The following CA10 variants were observed in gnomAD, a reference collection of about 807,000 sequenced individuals.
CA10 encodes the protein carbonic anhydrase 10 (inactive), also known as carbonic anhydrase-related protein 10.
Under a neutral mutation model 44.2 loss-of-function variants are expected in CA10, and 14 were observed. The ratio of observed to expected loss-of-function variants is 0.32; its 90% CI spans 0.21 to 0.50. CA10 has a LOEUF of 0.50. Among genes scored for constraint, CA10 ranks in the 20% least tolerant of loss-of-function variants. The pLI is 0.99. For missense variants in CA10, 350 were observed against 409.7 expected (o/e 0.85, Z 1.26); for synonymous variants, 159 against 141.6 (o/e 1.12, Z -0.87).
intron 2 of CA10, among the ~76,000 whole-genome samples, chr17:52,031,160 T>TG (rs1175690896): frequency 6.6e-6 from 1 of 151,700 alleles, no homozygotes; most frequent in Non-Finnish European, 1.5e-5. Flanking sequence ...CAACTCTTTT[T>TG]TTTTTTTTTG....
At chr17:51,655,178 C>T (rs544712205) in intron 4 of CA10, among the ~76,000 whole-genome samples, 1 of 152,308 alleles carries the variant, frequency 6.6e-6, no homozygotes, top group East Asian at 1.9e-4. Context: ...CCCAAGTCTT[C>T]CAAATAACTA....
At chr17:52,004,248 T>G (rs962829763) in intron 2 of CA10, among the ~76,000 whole-genome samples, 1 of 151,942 alleles carries the variant, frequency 6.6e-6, no homozygotes, top group Non-Finnish European at 1.5e-5. Flanking sequence ...ATGTTACCCT[T>G]TAGCAGTCAG....
intron 3 of CA10, among the ~76,000 whole-genome samples, chr17:51,850,218 T>C (rs370412039): frequency 2.0e-5 from 3 of 152,356 alleles, no homozygotes; most frequent in East Asian, 1.9e-4. Context: ...TATGAAAATA[T>C]GCAGCATGGC....
intron 4 of CA10, among the ~76,000 whole-genome samples, chr17:51,692,030 G>A (rs1253251029): frequency 6.6e-6 from 1 of 152,118 alleles, no homozygotes; most frequent in African/African-American, 2.4e-5. Flanking sequence ...CTATTTCTAT[G>A]AACAATGTCA....
intron 2 of CA10, among the ~76,000 whole-genome samples, chr17:52,054,597 G>A (rs767175273): frequency 1.3e-4 from 20 of 151,914 alleles, no homozygotes; most frequent in South Asian, 4.2e-4. Context: ...ACAAAAACTT[G>A]CTGGTTTTGC....
chr17:52,110,348 C>A (rs1988763263), intron 1 of CA10, among the ~76,000 whole-genome samples: 1 of 152,202 alleles, frequency 6.6e-6, no homozygotes, highest in Non-Finnish European at 1.5e-5. Flanking sequence ...TCTCACAGAC[C>A]TATCCTGGAA....
At position 51,682,712 on chromosome 17, in the gene CA10, A is replaced by G. The variant is rs566641302; in HGVS notation, c.466-28976T>C. 1.8e-4 allele frequency among the ~76,000 whole-genome samples: 28 copies of G among 152,332 alleles called. 1 individual carries two copies. In the South Asian group the frequency reaches 4.6e-3, roughly 25 times the overall value. Reference sequence around the variant, plus strand: ...GAGAACATTCTGAAATTTTGTATATACATTGGAAACAGAAGCTTGTCTCCT... The same window carrying G: ...GAGAACATTCTGAAATTTTGTATATGCATTGGAAACAGAAGCTTGTCTCCT... On this transcript the variant is annotated intron_variant, in intron 4 of 8. Transcript: ENST00000451037.
intron 4 of CA10, among the ~76,000 whole-genome samples, chr17:51,675,441 T>C (rs972940241): frequency 6.6e-6 from 1 of 151,512 alleles, no homozygotes; most frequent in African/African-American, 2.4e-5. Context: ...GTGCCTGTAG[T>C]CCCAGCTACT....
intron 1 of CA10, among the ~76,000 whole-genome samples, chr17:52,099,781 G>A (rs904846572): frequency 7.2e-5 from 11 of 152,246 alleles, no homozygotes; most frequent in African/African-American, 2.7e-4. Context: ...AATTTGAGAA[G>A]TGGCCAGTTA....
intron 1 of CA10, among the ~76,000 whole-genome samples, chr17:52,127,614 G>A (rs775896033): frequency 2.6e-5 from 4 of 152,190 alleles, no homozygotes; most frequent in Non-Finnish European, 5.9e-5. Context: ...CAGTTGGGCA[G>A]AAGAGGCTGG....
chr17:51,974,774 A>G (rs1251358913), intron 2 of CA10, among the ~76,000 whole-genome samples: 1 of 152,198 alleles, frequency 6.6e-6, no homozygotes, highest in African/African-American at 2.4e-5. Flanking sequence ...CTTATCAGAA[A>G]CAAGGCAAGT....
intron 2 of CA10, among the ~76,000 whole-genome samples, chr17:52,060,360 T>C (rs1222006697): frequency 2.6e-5 from 4 of 152,034 alleles, no homozygotes; most frequent in Non-Finnish European, 4.4e-5. Context: ...CTAAATTGGA[T>C]TATGCAACAG....
At chr17:52,133,096 G>A (rs1989276979) in intron 1 of CA10, among the ~76,000 whole-genome samples, 3 of 152,304 alleles carry the variant, frequency 2.0e-5, no homozygotes, top group South Asian at 2.1e-4. Context: ...CTGCTTCACT[G>A]CCCTGTCTGG....
intron 4 of CA10, among the ~76,000 whole-genome samples, chr17:51,691,621 T>A (rs535047828): frequency 0.081 from 12,384 of 152,018 alleles, 1,675 homozygotes; most frequent in African/African-American, 0.28. Flanking sequence ...TGTTCATATA[T>A]AAAAAAAATC....
intron 2 of CA10, among the ~76,000 whole-genome samples, chr17:52,007,955 AATATTT>A (rs1985657918): frequency 1.3e-5 from 2 of 151,708 alleles, no homozygotes; most frequent in African/African-American, 4.8e-5. Context: ...TCCATCTCTT[AATATTT>A]TAAATATTTG....
intron 3 of CA10, among the ~76,000 whole-genome samples, chr17:51,888,224 T>C (rs910635362): frequency 2.7e-5 from 4 of 150,844 alleles, no homozygotes; most frequent in Admixed American, 6.6e-5. Flanking sequence ...AGAGAGGAAG[T>C]AACAAAAGGA....
chr17:51,636,501 T>A (rs1168464124), intron 6 of CA10, among the ~76,000 whole-genome samples: 1 of 152,146 alleles, frequency 6.6e-6, no homozygotes, highest in Non-Finnish European at 1.5e-5. Context: ...GCACATTCCT[T>A]CCACAGGATG....
chr17:51,867,505 A>T (rs1277737369), intron 3 of CA10, among the ~76,000 whole-genome samples: 2 of 152,218 alleles, frequency 1.3e-5, no homozygotes, highest in East Asian at 3.8e-4. Context: ...CTATAATGAG[A>T]CGAGATGCTC....
intron 3 of CA10, among the ~76,000 whole-genome samples, chr17:51,769,078 G>A (rs1458371219): frequency 6.6e-6 from 1 of 152,150 alleles, no homozygotes; most frequent in Non-Finnish European, 1.5e-5. Flanking sequence ...TGTCTTGAAT[G>A]CCATCTGTTC....
Sources: allele counts gnomAD v4.1 joint callset (sites outside exome capture counted in the v4.1 genomes callset), GRCh38; gene constraint gnomAD v4.1.1; transcripts MANE v1.5; gene names NCBI Gene and HGNC (gene_info 2026-07-23, HGNC 2026-07-21).